The following SPSB4 variants were observed in gnomAD, a reference collection of about 807,000 sequenced individuals.
SPSB4 encodes SPRY domain-containing SOCS box protein 4.
A neutral mutation model predicts 20.9 loss-of-function variants in SPSB4; 21 were observed. The observed-to-expected ratio is 1.01, with a 90% CI of 0.71 to 1.45. The LOEUF (loss-of-function observed/expected upper bound fraction) is 1.45. Among genes scored for constraint, SPSB4 ranks in the 40% most tolerant of loss-of-function variants. The pLI is 0.00. For synonymous variants in SPSB4, 207 were observed against 183.8 expected (o/e 1.13, Z -1.02); for missense variants, 399 against 399.2 (o/e 1.00, Z 0.00).
At chr3:141,067,584 CTT>C (rs1178020170) in intron 2 of SPSB4, among the ~76,000 whole-genome samples, 1 of 152,188 alleles carries the variant, frequency 6.6e-6, no homozygotes, top group African/African-American at 2.4e-5. Flanking sequence ...AACTCTATGG[CTT>C]CCTCTCATTT....
intron 2 of SPSB4, among the ~76,000 whole-genome samples, chr3:141,144,478 C>G (rs535039905): frequency 1.3e-5 from 2 of 152,290 alleles, no homozygotes; most frequent in East Asian, 3.9e-4. Context: ...GCCTCAAAGC[C>G]AGGAGAGGTG....
chr3:141,147,140 A>G lies in SPSB4; in HGVS notation c.695-2A>G. 1 of 1,613,938 alleles carries G rather than the reference A, an allele frequency of 6.2e-7. No individual in the cohort carries two copies. Among genetic ancestry groups the G allele is most frequent in the Non-Finnish European group, 8.5e-7 (1 of 1,180,024 alleles). On this transcript the variant is annotated splice_acceptor_variant, in intron 2 of 2. Transcript: ENST00000310546. LOFTEE classifies it high-confidence loss of function. ...ACTCTAACTGCTTCCCTCTCATTGC[A>G]GCCGAGCCCCTGCCACTGATGGACC...
intron 2 of SPSB4, among the ~76,000 whole-genome samples, chr3:141,115,983 C>T (rs1174332778): frequency 6.6e-6 from 1 of 152,192 alleles, no homozygotes; most frequent in African/African-American, 2.4e-5. Context: ...TTTCTGAGCT[C>T]ACACTTGGAA....
intron 2 of SPSB4, among the ~76,000 whole-genome samples, chr3:141,114,840 A>G (rs1938859768): frequency 6.6e-6 from 1 of 152,246 alleles, no homozygotes; most frequent in Non-Finnish European, 1.5e-5. Flanking sequence ...GTAAAATAAG[A>G]AAGGAAGTGT....
chr3:141,075,902 A>C, intron 2 of SPSB4, among the ~76,000 whole-genome samples: 1 of 150,664 alleles, frequency 6.6e-6, no homozygotes, highest in African/African-American at 2.4e-5. Flanking sequence ...CAAAAAAAAA[A>C]AAAAAAAAAA....
At chr3:141,065,903 C>T (rs1937856016) in intron 1 of SPSB4, 49 bp from the exon 2 acceptor site, 1 of 515,972 alleles carries the variant, frequency 1.9e-6, no homozygotes, top group Admixed American at 4.0e-5. Context: ...GGATTGGCAA[C>T]TGGCTGCTGA....
chr3:141,128,632 G>T (rs1436753780), intron 2 of SPSB4, among the ~76,000 whole-genome samples: 1 of 152,142 alleles, frequency 6.6e-6, no homozygotes, highest in African/African-American at 2.4e-5. Flanking sequence ...TGAGGCAGCT[G>T]GGGGGAGCTC....
chr3:141,130,165 T>A (rs1426361073), intron 2 of SPSB4, among the ~76,000 whole-genome samples: 2 of 152,138 alleles, frequency 1.3e-5, no homozygotes, highest in Non-Finnish European at 2.9e-5. Context: ...CACTTGACAA[T>A]TTGCATGATT....
At chr3:141,136,818 T>C (rs1302390154) in intron 2 of SPSB4, among the ~76,000 whole-genome samples, 2 of 152,208 alleles carry the variant, frequency 1.3e-5, no homozygotes, top group Admixed American at 6.5e-5. Context: ...GACTTGGCGA[T>C]GTGGGCTCTT....
chr3:141,082,628 T>C (rs1377102133), intron 2 of SPSB4, among the ~76,000 whole-genome samples: 1 of 151,110 alleles, frequency 6.6e-6, no homozygotes, highest in African/African-American at 2.4e-5. Context: ...GCTATCTATC[T>C]ATCTATCTAT....
At chr3:141,078,351 C>G (rs1938158096) in intron 2 of SPSB4, among the ~76,000 whole-genome samples, 1 of 152,202 alleles carries the variant, frequency 6.6e-6, no homozygotes, top group Non-Finnish European at 1.5e-5. Context: ...CCATCAGTCC[C>G]TGCACTGGCC....
At chr3:141,085,189 T>G (rs141636672) in intron 2 of SPSB4, among the ~76,000 whole-genome samples, 1 of 152,184 alleles carries the variant, frequency 6.6e-6, no homozygotes, top group Non-Finnish European at 1.5e-5. Context: ...TTCAGGGACC[T>G]GCAAGTTGGA....
At chr3:141,058,659 G>T (rs1448039074) in intron 1 of SPSB4, among the ~76,000 whole-genome samples, 1 of 152,146 alleles carries the variant, frequency 6.6e-6, no homozygotes, top group Non-Finnish European at 1.5e-5. Context: ...GGATGAGCCC[G>T]ACTTGGCCAC....
intron 2 of SPSB4, among the ~76,000 whole-genome samples, chr3:141,098,021 C>G (rs2107794345): frequency 6.6e-6 from 1 of 152,278 alleles, no homozygotes; most frequent in East Asian, 1.9e-4. Context: ...GCTGGGAGGA[C>G]AGCTCAGGCC....
At chr3:141,073,664 C>T (rs1268806952) in intron 2 of SPSB4, among the ~76,000 whole-genome samples, 3 of 152,202 alleles carry the variant, frequency 2.0e-5, no homozygotes, top group African/African-American at 7.2e-5. Flanking sequence ...ATAGTCGGTG[C>T]TCAGTAAATG....
At chr3:141,087,623 T>G (rs1029142200) in intron 2 of SPSB4, among the ~76,000 whole-genome samples, 1 of 152,218 alleles carries the variant, frequency 6.6e-6, no homozygotes, top group South Asian at 2.1e-4. Flanking sequence ...ATTTTCCAGA[T>G]GAGCAAACAG....
In SPSB4 at chr3:141,109,781, G is replaced by A. The variant is rs115121428; in HGVS notation, c.695-37361G>A. Among the ~76,000 whole-genome samples the A allele has an allele frequency of 9.8e-3, 1,497 of 152,234 alleles. 30 individuals are homozygous for A. Among genetic ancestry groups the A allele is most frequent in the African/African-American group, 0.034 (1,429 of 41,536 alleles). ...CAACAAGGGCCTTCCATCAAAAAGC[G>A]GCCTTCCAGGTATTTTATTTTGAGC... On this transcript the variant is annotated intron_variant, in intron 2 of 2. Transcript: ENST00000310546.
rs775252348 is a variant in SPSB4 at position 141,147,319 on chromosome 3, C to A, written c.*50C>A. 6.2e-7 allele frequency: 1 copy of A among 1,608,116 alleles called. No individual in the cohort carries two copies. The highest frequency in any genetic ancestry group is 1.1e-5 in the South Asian group (1 of 90,548). ...CACAGACACACACCGCAGGGCCCGA[C>A]CCTCCTGTCATTCACAGTCCCATGG... On this transcript the variant is annotated 3_prime_UTR_variant, in exon 3 of 3. Transcript: ENST00000310546.
chr3:141,056,610 C>T (rs1433228148), intron 1 of SPSB4, among the ~76,000 whole-genome samples: 1 of 152,250 alleles, frequency 6.6e-6, no homozygotes, highest in Admixed American at 6.5e-5. Flanking sequence ...GGAGAAGGTT[C>T]ATCTTGGGAG....
Sources: allele counts gnomAD v4.1 joint callset (sites outside exome capture counted in the v4.1 genomes callset), GRCh38; gene constraint gnomAD v4.1.1; transcripts MANE v1.5; gene names NCBI Gene and HGNC (gene_info 2026-07-23, HGNC 2026-07-21).